The following ELAVL4 variants were observed in gnomAD, a reference collection of about 807,000 sequenced individuals.
ELAVL4 encodes ELAV-like protein 4.
ELAVL4 carries 1 observed loss-of-function variant against 35.6 expected under a neutral mutation model. That is an observed-to-expected ratio of 0.03 (90% CI 0.01 to 0.13). ELAVL4 has a LOEUF of 0.13. Ranked by LOEUF, ELAVL4 falls within the 10% of genes least tolerant of loss-of-function variation. The pLI is 1.00. For synonymous variants in ELAVL4, 156 were observed against 171.0 expected (o/e 0.91, Z 0.69); for missense variants, 267 against 464.9 (o/e 0.57, Z 3.91).
chr1:50,048,168 C>T (rs1557674307), exon 1 of ELAVL4: 1 of 1,521,758 alleles, frequency 6.6e-7, no homozygotes, highest in Non-Finnish European at 8.8e-7. Context: ...GGGGAAGATG[C>T]GCCTCAAGAA....
At chr1:50,198,850 G>A (rs781619510) in intron 6 of ELAVL4, among the ~76,000 whole-genome samples, 2 of 152,088 alleles carry the variant, frequency 1.3e-5, no homozygotes, top group Non-Finnish European at 2.9e-5. Context: ...GATTTAGAAC[G>A]CTTCCTACCA....
intron 2 of ELAVL4, among the ~76,000 whole-genome samples, chr1:50,159,092 A>T (rs574361398): frequency 2.0e-4 from 30 of 152,096 alleles, no homozygotes; most frequent in African/African-American, 7.2e-4. Context: ...CTTATTTTCA[A>T]CTGGCAGGAT....
chr1:50,172,095 C>T (rs1423671853), intron 2 of ELAVL4, among the ~76,000 whole-genome samples: 3 of 152,030 alleles, frequency 2.0e-5, no homozygotes, highest in African/African-American at 4.8e-5. Context: ...TTTTAAAAAG[C>T]GAAAGAGCAA....
chr1:50,101,610 C>T (rs953913060), upstream of ELAVL4, among the ~76,000 whole-genome samples: 1 of 151,224 alleles, frequency 6.6e-6, no homozygotes, highest in Non-Finnish European at 1.5e-5. Flanking sequence ...CTGATTTCAA[C>T]AAATATTTAC....
chr1:50,059,505 A>G (rs540247532), intron 1 of ELAVL4, among the ~76,000 whole-genome samples: 1 of 152,090 alleles, frequency 6.6e-6, no homozygotes, highest in South Asian at 2.1e-4. Context: ...CTTTACACCT[A>G]CTAGCATGGC....
chr1:50,171,032 G>A (rs1678905661), intron 2 of ELAVL4, among the ~76,000 whole-genome samples: 1 of 152,060 alleles, frequency 6.6e-6, no homozygotes, highest in South Asian at 2.1e-4. Flanking sequence ...GACAAAACAA[G>A]CAAACAAACA....
intron 3 of ELAVL4, among the ~76,000 whole-genome samples, chr1:50,186,140 G>A (rs143939559): frequency 5.9e-5 from 9 of 152,270 alleles, no homozygotes; most frequent in African/African-American, 2.2e-4. Context: ...ATACTTGTCT[G>A]GCCTACTAGG....
At chr1:50,054,649 C>T (rs1332675666) in intron 1 of ELAVL4, among the ~76,000 whole-genome samples, 3 of 152,092 alleles carry the variant, frequency 2.0e-5, no homozygotes, top group Non-Finnish European at 4.4e-5. Flanking sequence ...AGTATTTTTA[C>T]ATATATTAAT....
chr1:50,162,877 C>T (rs1025361742), intron 2 of ELAVL4, among the ~76,000 whole-genome samples: 1 of 152,230 alleles, frequency 6.6e-6, no homozygotes, highest in African/African-American at 2.4e-5. Context: ...AGCCACTGCA[C>T]CCAGCCAGTC....
At position 50,127,994 on chromosome 1, in the gene ELAVL4, ATTGGCT is replaced by A. The variant is rs376178258; in HGVS notation, c.10-16941_10-16936del. Among the ~76,000 whole-genome samples, 126 of 152,178 alleles carry A rather than the reference ATTGGCT, an allele frequency of 8.3e-4. 1 individual carries two copies. In the East Asian group the frequency reaches 0.022, roughly 26 times the overall value. On this transcript the variant is annotated intron_variant, in intron 1 of 6. Transcript: ENST00000371824. ...TTGCAGGAAAATGTCAAGAGCCCCC[ATTGGCT>A]TTGGCTTTGGCTTTGGCTTTGTGAC...
At chr1:50,192,573 C>T (rs1682840747) in intron 3 of ELAVL4, among the ~76,000 whole-genome samples, 1 of 123,028 alleles carries the variant, frequency 8.1e-6, no homozygotes, top group Admixed American at 8.2e-5. Flanking sequence ...ACTCTCACCC[C>T]TACAGTCTTA....
At chr1:50,175,169 T>C (rs1182525824) in intron 2 of ELAVL4, among the ~76,000 whole-genome samples, 1 of 152,162 alleles carries the variant, frequency 6.6e-6, no homozygotes, top group Non-Finnish European at 1.5e-5. Context: ...AAGCTTCTCA[T>C]ATATGCAAGG....
intron 1 of ELAVL4, among the ~76,000 whole-genome samples, chr1:50,055,087 A>G (rs1663584266): frequency 6.6e-6 from 1 of 152,120 alleles, no homozygotes; most frequent in South Asian, 2.1e-4. Flanking sequence ...TCTTCATTAA[A>G]TCCTGCGCAA....
At chr1:50,133,609 A>AAGAAAGAAAGAAAG (rs1671290903) in intron 1 of ELAVL4, among the ~76,000 whole-genome samples, 2 of 135,674 alleles carry the variant, frequency 1.5e-5, no homozygotes, top group African/African-American at 3.0e-5. Flanking sequence ...AAAAGAAAGA[A>AAGAAAGAAAGAAAG]AGAAAGAAAG....
intron 1 of ELAVL4, among the ~76,000 whole-genome samples, chr1:50,123,818 A>G (rs1357570379): frequency 6.6e-6 from 1 of 152,084 alleles, no homozygotes; most frequent in Admixed American, 6.6e-5. Flanking sequence ...CATGAGACAA[A>G]TAGGAGGCCT....
At chr1:50,133,591 AAAG>A (rs1338090618) in intron 1 of ELAVL4, among the ~76,000 whole-genome samples, 2 of 121,848 alleles carry the variant, frequency 1.6e-5, no homozygotes, top group Non-Finnish European at 3.5e-5. Flanking sequence ...AGAAAGAAAG[AAAG>A]AAAGAAAAGA....
chr1:50,119,843 G>A (rs1340872228), intron 1 of ELAVL4, among the ~76,000 whole-genome samples: 1 of 151,840 alleles, frequency 6.6e-6, no homozygotes, highest in Non-Finnish European at 1.5e-5. Context: ...TATGGTGTCA[G>A]TTTGATCTCT....
intron 1 of ELAVL4, among the ~76,000 whole-genome samples, chr1:50,059,196 T>C (rs772657951): frequency 6.6e-6 from 1 of 152,216 alleles, no homozygotes; most frequent in Non-Finnish European, 1.5e-5. Context: ...ATTTCTCTGA[T>C]TCTAAGATAA....
intron 1 of ELAVL4, among the ~76,000 whole-genome samples, chr1:50,095,633 C>T (rs1665689067): frequency 6.6e-6 from 1 of 152,106 alleles, no homozygotes; most frequent in African/African-American, 2.4e-5. Flanking sequence ...CTTGCACTTC[C>T]TAGGGTTTTC....
Sources: gnomAD v4.1 joint callset for allele counts (sites outside exome capture counted in the v4.1 genomes callset) on GRCh38, gnomAD v4.1.1 for gene constraint, MANE v1.5 for transcripts, NCBI Gene and HGNC (gene_info 2026-07-23, HGNC 2026-07-21) for gene names.